ZNF429: variants seen among roughly 807,000 people sequenced by gnomAD.
ZNF429 encodes the protein zinc finger protein 429.
Under a neutral mutation model 56.8 loss-of-function variants are expected in ZNF429, and 53 were observed. That is an observed-to-expected ratio of 0.93 (90% CI 0.75 to 1.17). The LOEUF is 1.17. Ranked by LOEUF, ZNF429 falls within the 50% of genes most tolerant of loss-of-function variation. The pLI is 0.00. For missense variants in ZNF429, 849 were observed against 788.4 expected (o/e 1.08, Z -0.92); for synonymous variants, 278 against 264.7 (o/e 1.05, Z -0.49).
At chr19:21,527,183 G>T (rs1017887913) in intron 1 of ZNF429, among the ~76,000 whole-genome samples, 2 of 152,132 alleles carry the variant, frequency 1.3e-5, no homozygotes, top group Non-Finnish European at 2.9e-5. Flanking sequence ...CATCAGCACC[G>T]ATGGGACTTG....
At chr19:21,510,787 C>G (rs1025197695) in intron 1 of ZNF429, among the ~76,000 whole-genome samples, 6 of 151,866 alleles carry the variant, frequency 4.0e-5, no homozygotes, top group Admixed American at 6.6e-5. Context: ...TGACTCTTAA[C>G]GAGCATGCTG....
At position 21,540,403 on chromosome 19, in the gene ZNF429, AT is replaced by A. The variant is rs909629238; in HGVS notation, c.*2332del. ...TTTTTGATATTTAAATTTTTTTCTTATTTTTTTGTGGGTACATAATATGTGT... is the reference window on the plus strand; with the variant it reads ...TTTTTGATATTTAAATTTTTTTCTTATTTTTTGTGGGTACATAATATGTGT... On this transcript the variant is annotated 3_prime_UTR_variant, in exon 4 of 4. Transcript: ENST00000358491. Among the ~76,000 whole-genome samples, 6 of 151,782 alleles carry A rather than the reference AT, an allele frequency of 4.0e-5. No homozygotes were observed. The highest frequency in any genetic ancestry group is 1.9e-4 in the East Asian group (1 of 5,184).
At chr19:21,506,027 G>C in intron 1 of ZNF429, 1 of 349,608 alleles carries the variant, frequency 2.9e-6, no homozygotes, top group Non-Finnish European at 5.6e-6. Flanking sequence ...AGCTCTGCAC[G>C]CGCAATTCCG....
intron 1 of ZNF429, among the ~76,000 whole-genome samples, chr19:21,514,880 T>C (rs2032665991): frequency 6.6e-6 from 1 of 152,136 alleles, no homozygotes; most frequent in East Asian, 1.9e-4. Flanking sequence ...ATTACAGGCA[T>C]GAGCCACTGT....
At chr19:21,517,095 T>C (rs144022668) in intron 1 of ZNF429, among the ~76,000 whole-genome samples, 1 of 152,360 alleles carries the variant, frequency 6.6e-6, no homozygotes, top group East Asian at 1.9e-4. Flanking sequence ...GATATCTTAC[T>C]ATTTTGAAGT....
At chr19:21,525,658 A>C (rs1230679074) in intron 1 of ZNF429, among the ~76,000 whole-genome samples, 1 of 152,238 alleles carries the variant, frequency 6.6e-6, no homozygotes, top group African/African-American at 2.4e-5. Context: ...TATTAAAATC[A>C]GTGCTTACCA....
At chr19:21,522,923 C>T (rs1217331358) in intron 1 of ZNF429, among the ~76,000 whole-genome samples, 2 of 151,900 alleles carry the variant, frequency 1.3e-5, no homozygotes, top group East Asian at 1.9e-4. Context: ...TATACTGTCC[C>T]GTAAATATGC....
intron 1 of ZNF429, among the ~76,000 whole-genome samples, chr19:21,516,617 T>C (rs1367780256): frequency 6.6e-6 from 1 of 152,208 alleles, no homozygotes; most frequent in African/African-American, 2.4e-5. Context: ...TCTGACTTCT[T>C]TAAGAAGTGT....
chr19:21,536,179 T>C, intron 3 of ZNF429, 101 bp from the exon 4 acceptor site: 1 of 1,228,424 alleles, frequency 8.1e-7, no homozygotes, highest in African/African-American at 1.5e-5. Flanking sequence ...TGCTATGCTG[T>C]GTTGCTTACG....
At chr19:21,514,238 A>G (rs2032634197) in intron 1 of ZNF429, among the ~76,000 whole-genome samples, 1 of 152,128 alleles carries the variant, frequency 6.6e-6, no homozygotes, top group Non-Finnish European at 1.5e-5. Context: ...GGTTTATCAT[A>G]TAGATAAAAT....
chr19:21,533,570 C>CTT, intron 3 of ZNF429, among the ~76,000 whole-genome samples: 2,858 of 137,124 alleles, frequency 0.021, 105 homozygotes, highest in African/African-American at 0.071. Context: ...GTTAGTGGTT[C>CTT]TTTTTTTTTT....
At chr19:21,509,964 A>G (rs1347325972) in intron 1 of ZNF429, among the ~76,000 whole-genome samples, 1 of 151,082 alleles carries the variant, frequency 6.6e-6, no homozygotes, top group Non-Finnish European at 1.5e-5. Context: ...GCAGGAGTGC[A>G]GTGGCACGAT....
intron 1 of ZNF429, among the ~76,000 whole-genome samples, chr19:21,516,425 G>T (rs561106469): frequency 1.3e-5 from 2 of 152,092 alleles, no homozygotes; most frequent in South Asian, 4.2e-4. Context: ...TGGCTCTTCG[G>T]GCTTTTTTTG....
chr19:21,516,288 C>T (rs149727779), intron 1 of ZNF429, among the ~76,000 whole-genome samples: 16 of 152,064 alleles, frequency 1.1e-4, no homozygotes, highest in South Asian at 2.1e-4. Flanking sequence ...GGGGTTTCAC[C>T]GTGTTAGCCA....
At chr19:21,519,638 G>A (rs2032910152) in intron 1 of ZNF429, among the ~76,000 whole-genome samples, 1 of 152,172 alleles carries the variant, frequency 6.6e-6, no homozygotes, top group South Asian at 2.1e-4. Flanking sequence ...GTATGTAAAA[G>A]TTAAATGCTG....
intron 3 of ZNF429, among the ~76,000 whole-genome samples, chr19:21,534,966 C>G: frequency 5.4e-5 from 8 of 147,308 alleles, no homozygotes; most frequent in Non-Finnish European, 1.0e-4. Flanking sequence ...TCCACCACCA[C>G]GCCTGGCTAA....
At position 21,539,637 on chromosome 19, in the gene ZNF429, T is replaced by C. The variant is rs529222508; in HGVS notation, c.*1559T>C. On this transcript the variant is annotated 3_prime_UTR_variant, in exon 4 of 4. Coordinates refer to ENST00000358491, the MANE Select transcript of ZNF429 (RefSeq NM_001001415.4). ...GTAGAGATGAGATTTCACCATTTTGTCCAGGGTGGTCTCAAACTCTTCATC... is the reference window on the plus strand; with the variant it reads ...GTAGAGATGAGATTTCACCATTTTGCCCAGGGTGGTCTCAAACTCTTCATC... 1.3e-5 allele frequency among the ~76,000 whole-genome samples: 2 copies of C among 151,650 alleles called. No homozygotes were observed. The highest frequency in any genetic ancestry group is 4.2e-4 in the South Asian group (2 of 4,796).
intron 3 of ZNF429, among the ~76,000 whole-genome samples, chr19:21,531,137 A>G: frequency 2.1e-5 from 3 of 142,258 alleles, no homozygotes; most frequent in Admixed American, 1.4e-4. Flanking sequence ...AAACCAAAAA[A>G]AAAAAAACAC....
rs534777864 is a variant in ZNF429, at chr19:21,505,653, C to T, written c.-119C>T. 3.6e-6 allele frequency: 4 copies of T among 1,103,126 alleles called. No individual in the cohort carries two copies. In the African/African-American group the frequency reaches 6.4e-5, roughly 18 times the overall value. 68.3% of individuals were successfully genotyped at this position (1,103,126 alleles called of 1,614,324 possible). ...TTGGCTCTTGCTGCAGCCAGAGCTCCAGGTCTCGTCTTCATTTCTGTGTCC... is the reference window on the plus strand; with the variant it reads ...TTGGCTCTTGCTGCAGCCAGAGCTCTAGGTCTCGTCTTCATTTCTGTGTCC... On this transcript the variant is annotated 5_prime_UTR_variant, in exon 1 of 4. Coordinates refer to ENST00000358491, the MANE Select transcript of ZNF429 (RefSeq NM_001001415.4).
Sources: gnomAD v4.1 joint callset for allele counts (sites outside exome capture counted in the v4.1 genomes callset) on GRCh38, gnomAD v4.1.1 for gene constraint, MANE v1.5 for transcripts, NCBI Gene and HGNC (gene_info 2026-07-23, HGNC 2026-07-21) for gene names.